Variants in SHBG observed in about 807,000 individuals in gnomAD.
The protein encoded by SHBG is sex hormone binding globulin.
Under a neutral mutation model 41.9 loss-of-function variants are expected in SHBG, and 37 were observed. The ratio of observed to expected loss-of-function variants is 0.88; its 90% CI spans 0.68 to 1.16. SHBG has a LOEUF of 1.16. Ranked by LOEUF, SHBG falls within the 50% of genes most tolerant of loss-of-function variation. The pLI is 0.00. For missense variants in SHBG, 466 were observed against 499.9 expected, an observed-to-expected ratio of 0.93 and a Z score of 0.65; for synonymous variants, 217 against 205.8, an observed-to-expected ratio of 1.05 and a Z score of -0.47.
rs1276193750 is a variant in SHBG at position 7,621,276 on chromosome 17, C to T, written c.-62+7165C>T. Among the ~76,000 whole-genome samples the T allele has an allele frequency of 3.6e-5, 5 of 140,498 alleles. 1 individual carries two copies. The highest frequency in any genetic ancestry group is 8.0e-5 in the African/African-American group (3 of 37,372). The allele number at this position is 140,498 out of a possible 152,430, so 92.2% of individuals were successfully genotyped here. ...GATTTCGAGACCAGCCTGGCCAACACGGAGAAACCCCATGTCTACTAAAAA... is the reference window on the plus strand; with the variant it reads ...GATTTCGAGACCAGCCTGGCCAACATGGAGAAACCCCATGTCTACTAAAAA... On this transcript the variant is annotated intron_variant, in intron 1 of 5. Coordinates refer to the SHBG transcript ENST00000570547.
In SHBG at chr17:7,630,201, C is replaced by T. The variant is rs1003392537; in HGVS notation, c.29C>T (p.Ser10Leu). 3 of 1,613,594 alleles carry T rather than the reference C, an allele frequency of 1.9e-6. No homozygotes were observed. The highest frequency in any genetic ancestry group is 2.5e-6 in the Non-Finnish European group (3 of 1,179,836). The stretch of plus-strand genomic sequence containing the variant: ...GAGAGCAGAGGCCCACTGGCTACCT[C>T]GCGCCTGCTGCTGTTGCTGCTGTTG... The part of the protein sequence containing the change: MESRGPLAT[S>L]RLLLLLLLLL... The change falls in exon 1 of 8, where the codon TCG becomes TTG. Residue 10 changes from serine to leucine, a missense_variant. By Grantham distance (145) the Ser-to-Leu change is moderately radical. Coordinates refer to ENST00000380450, the MANE Select transcript of SHBG (RefSeq NM_001040.5). This position sits in a 1 kb window ranked among gnomAD's most constrained non-coding sequence, Gnocchi z 4.6.
intron 1 of SHBG, among the ~76,000 whole-genome samples, chr17:7,619,855 T>TG (rs1402495902): frequency 1.3e-5 from 2 of 152,168 alleles, no homozygotes; most frequent in Non-Finnish European, 2.9e-5. Flanking sequence ...TCCTCAACAG[T>TG]GCAAAGCCAA....
intron 1 of SHBG, chr17:7,614,259 T>C (rs1251229155): frequency 1.8e-5 from 12 of 678,698 alleles, no homozygotes; most frequent in Non-Finnish European, 2.1e-5. Context: ...GCAGGTGCCT[T>C]AGAGGGGTCA....
intron 6 of SHBG, 109 bp downstream of exon 6, chr17:7,632,124 T>C: frequency 8.7e-7 from 1 of 1,146,158 alleles, no homozygotes; most frequent in Non-Finnish European, 1.3e-6. Context: ...CCAGGGAACA[T>C]AACAAGACTG....
At chr17:7,632,713 C>T in intron 6 of SHBG, 39 bp from the exon 7 acceptor site, 1 of 1,527,130 alleles carries the variant, frequency 6.5e-7, no homozygotes, top group Non-Finnish European at 9.1e-7. Flanking sequence ...GCTCATTCTT[C>T]CCTCTCTCTC....
At chr17:7,614,690 A>C in intron 1 of SHBG, 2 of 326,772 alleles carry the variant, frequency 6.1e-6, no homozygotes, top group Non-Finnish European at 5.4e-6. Context: ...GCCACAGCCA[A>C]CGAGCAGGGG....
upstream of SHBG, chr17:7,627,535 C>T (rs2072254608): frequency 1.2e-6 from 2 of 1,605,792 alleles, no homozygotes; most frequent in Middle Eastern, 1.7e-4. The surrounding 1 kb of genome is among the most constrained non-coding windows in gnomAD (Gnocchi z 4.8). Context: ...GGCCGCGCCA[C>T]TCTGACCCCC....
At chr17:7,626,319 A>C, upstream of SHBG, 1 of 986,128 alleles carries the variant, frequency 1.0e-6, no homozygotes, top group Non-Finnish European at 1.5e-6. Context: ...ATACTTGAGG[A>C]TAGGCACCCC....
At chr17:7,631,147 G>C in intron 3 of SHBG, 53 bp from the exon 4 acceptor site, 1 of 1,481,058 alleles carries the variant, frequency 6.8e-7, no homozygotes, top group South Asian at 1.4e-5. Flanking sequence ...TCACAGGAAG[G>C]TGGCAGAAAC....
At chr17:7,627,579 C>T, upstream of SHBG, 1 of 1,611,030 alleles carries the variant, frequency 6.2e-7, no homozygotes, top group African/African-American at 1.3e-5. This position sits in a 1 kb window ranked among gnomAD's most constrained non-coding sequence, Gnocchi z 4.8. Context: ...CCCGAATCAG[C>T]CTCAGGATAT....
upstream of SHBG, chr17:7,626,724 C>G: frequency 1.2e-6 from 2 of 1,614,060 alleles, no homozygotes; most frequent in South Asian, 2.2e-5. Flanking sequence ...TCTTCAGGTC[C>G]TCACTTGTCG....
At chr17:7,615,420 A>T (rs1316650745) in intron 1 of SHBG, among the ~76,000 whole-genome samples, 3 of 152,244 alleles carry the variant, frequency 2.0e-5, no homozygotes, top group Non-Finnish European at 2.9e-5. Flanking sequence ...CTCTTCGCGT[A>T]TGCATCGCCG....
chr17:7,627,563 T>G, upstream of SHBG: 1 of 1,609,418 alleles, frequency 6.2e-7, no homozygotes, highest in Non-Finnish European at 8.5e-7. The surrounding 1 kb of genome is among the most constrained non-coding windows in gnomAD (Gnocchi z 4.8). Flanking sequence ...CGGCCTGCAG[T>G]CTTCACCCGA....
upstream of SHBG, chr17:7,630,026 G>A (rs1243836509): frequency 1.4e-6 from 1 of 733,636 alleles, no homozygotes; most frequent in Non-Finnish European, 2.4e-6. This position sits in a 1 kb window ranked among gnomAD's most constrained non-coding sequence, Gnocchi z 4.6. Flanking sequence ...TGGGCCCCTG[G>A]GCAGGGGTCA....
chr17:7,633,088 C>A, intron 7 of SHBG, 116 bp from the exon 8 acceptor site: 2 of 1,410,276 alleles, frequency 1.4e-6, no homozygotes, highest in Non-Finnish European at 2.0e-6. Context: ...GATATGGGGG[C>A]AGTGGAAGGT....
At chr17:7,624,274 G>A (rs922630255), upstream of SHBG, among the ~76,000 whole-genome samples, 6 of 151,518 alleles carry the variant, frequency 4.0e-5, no homozygotes, top group Admixed American at 1.3e-4. Flanking sequence ...TTGAGACAGA[G>A]TCTCCATCTG....
At chr17:7,628,257 A>T (rs2072288453), upstream of SHBG, 2 of 239,586 alleles carry the variant, frequency 8.3e-6, no homozygotes. Flanking sequence ...TTTTATTTTT[A>T]TATTTATTTA....
chr17:7,614,117 T>C (rs1469107960), intron 1 of SHBG: 3 of 553,736 alleles, frequency 5.4e-6, no homozygotes, highest in African/African-American at 1.9e-5. Flanking sequence ...CTAAGGTATG[T>C]CTTCCACCAG....
chr17:7,626,472 G>A, upstream of SHBG: 1 of 1,614,048 alleles, frequency 6.2e-7, no homozygotes. Flanking sequence ...CTTTCTCGTT[G>A]CCTCTCCTTG....
Sources: allele counts gnomAD v4.1 joint callset (sites outside exome capture counted in the v4.1 genomes callset), GRCh38; gene constraint gnomAD v4.1.1; non-coding constraint Gnocchi (gnomAD v3.1); transcripts MANE v1.5; gene names NCBI Gene and HGNC (gene_info 2026-07-23, HGNC 2026-07-21).